Variants in GCLM observed in about 807,000 individuals in gnomAD.
GCLM encodes glutamate--cysteine ligase regulatory subunit.
Under a neutral mutation model 36.0 loss-of-function variants are expected in GCLM, and 15 were observed. The observed-to-expected ratio is 0.42, with a 90% CI of 0.28 to 0.64. The LOEUF (loss-of-function observed/expected upper bound fraction) is 0.64, where lower values mean the gene tolerates loss of function less well. Among genes scored for constraint, GCLM ranks in the 30% least tolerant of loss-of-function variants. GCLM has a pLI of 0.25. For synonymous variants in GCLM, 129 were observed against 122.8 expected, an observed-to-expected ratio of 1.05 and a Z score of -0.34; for missense variants, 242 against 325.5, an observed-to-expected ratio of 0.74 and a Z score of 1.97.
intron 5 of GCLM, among the ~76,000 whole-genome samples, chr1:93,895,346 A>T (rs897673848): frequency 2.0e-5 from 3 of 152,198 alleles, no homozygotes; most frequent in Non-Finnish European, 4.4e-5. Flanking sequence ...GTCTCCTGCT[A>T]GAACCATTTA....
At chr1:93,907,707 T>TA (rs1422763371) in intron 1 of GCLM, among the ~76,000 whole-genome samples, 1 of 152,184 alleles carries the variant, frequency 6.6e-6, no homozygotes, top group African/African-American at 2.4e-5. Flanking sequence ...ACAGCCAAAG[T>TA]AGGTGGTTTA....
intron 2 of GCLM, chr1:93,904,279 A>C: frequency 2.2e-6 from 1 of 455,818 alleles, no homozygotes; most frequent in Non-Finnish European, 4.0e-6. Context: ...ATAGTGAGGA[A>C]ACCATGGTGA....
At chr1:93,896,927 T>C in intron 4 of GCLM, 107 bp from the exon 5 acceptor site, 2 of 672,692 alleles carry the variant, frequency 3.0e-6, no homozygotes, top group South Asian at 3.6e-5. Flanking sequence ...TCTTCACTTG[T>C]TTTCAAAATA....
At chr1:93,903,306 A>C (rs191729897) in intron 2 of GCLM, among the ~76,000 whole-genome samples, 2 of 151,002 alleles carry the variant, frequency 1.3e-5, no homozygotes, top group Admixed American at 6.6e-5. Context: ...TTATTTATTT[A>C]ATTTTATTAT....
rs1656363323 is a variant in GCLM at position 93,887,507 on chromosome 1, G to C, written c.*1483C>G. ...TTTTTTTGAGATGGAGTCTCGCTCT[G>C]TCGCCCAGGCTGGAGTGCAGTGATG... On this transcript the variant is annotated 3_prime_UTR_variant, in exon 7 of 7. Transcript: ENST00000370238. 7.3e-6 allele frequency: 1 copy of C among 137,668 alleles called. No individual in the cohort carries two copies. The highest frequency in any genetic ancestry group is 1.5e-5 in the Non-Finnish European group (1 of 65,610). 8.5% of individuals were successfully genotyped at this position (137,668 alleles called of 1,614,324 possible).
At chr1:93,895,207 G>A (rs568080237) in intron 5 of GCLM, among the ~76,000 whole-genome samples, 21 of 151,980 alleles carry the variant, frequency 1.4e-4, no homozygotes, top group Admixed American at 4.6e-4. Flanking sequence ...GTAGAGACGC[G>A]GTTTCACCAT....
At chr1:93,898,575 A>G (rs567461691) in intron 3 of GCLM, among the ~76,000 whole-genome samples, 1 of 152,186 alleles carries the variant, frequency 6.6e-6, no homozygotes, top group East Asian at 1.9e-4. Context: ...CTTGGCCTCA[A>G]AGGACCCTCC....
intron 6 of GCLM, among the ~76,000 whole-genome samples, chr1:93,892,272 A>G (rs1656564190): frequency 6.6e-6 from 1 of 152,204 alleles, no homozygotes; most frequent in South Asian, 2.1e-4. Context: ...AATTTTTAGA[A>G]CAGGGGTAGA....
Position 93,909,365 on chromosome 1 carries a change from A to T in GCLM, c.-202T>A. 1.0e-6 allele frequency: 1 copy of T among 976,014 alleles called. No homozygotes were observed. Among genetic ancestry groups the T allele is most frequent in the Non-Finnish European group, 1.2e-6 (1 of 813,164 alleles). 60.5% of individuals were successfully genotyped at this position (976,014 alleles called of 1,614,324 possible). Reference sequence around the variant, plus strand: ...GCGGCTGGGCGGCGGCGGGAAAGGAAGGCACCGGTGGCTGCGGCTCCGGCT... The same window carrying T: ...GCGGCTGGGCGGCGGCGGGAAAGGATGGCACCGGTGGCTGCGGCTCCGGCT... On this transcript the variant is annotated 5_prime_UTR_variant, in exon 1 of 7. Coordinates refer to ENST00000370238, the MANE Select transcript of GCLM (RefSeq NM_002061.4).
chr1:93,902,617 C>T (rs973986332), intron 2 of GCLM, among the ~76,000 whole-genome samples: 1 of 152,064 alleles, frequency 6.6e-6, no homozygotes, highest in East Asian at 1.9e-4. Context: ...ATCAACATAC[C>T]CACCACAGTG....
rs190012289 is a variant in GCLM at position 93,885,724 on chromosome 1, A to G, written c.*3266T>C. The G allele has an allele frequency of 1.1e-3, 172 of 152,334 alleles. No homozygotes were observed. Among genetic ancestry groups the G allele is most frequent in the African/African-American group, 3.9e-3 (164 of 41,590 alleles). The allele number at this position is 152,334 out of a possible 1,614,324, so 9.4% of individuals were successfully genotyped here. A position where few individuals can be genotyped will look rare whatever the true frequency, so the allele number is the denominator to read the frequency against. ...ACATTTCTCTGAATGCATATTTTGC[A>G]GAAGGATGAACTGCTAGCCAACATA... On this transcript the variant is annotated 3_prime_UTR_variant, in exon 7 of 7. Coordinates refer to ENST00000370238, the MANE Select transcript of GCLM (RefSeq NM_002061.4).
In GCLM at chr1:93,887,417, C is replaced by G. The variant is rs540347132; in HGVS notation, c.*1573G>C. On this transcript the variant is annotated 3_prime_UTR_variant, in exon 7 of 7. Transcript: ENST00000370238. Reference sequence around the variant, plus strand: ...GTTCTTTTTCCCTAGGTTGAGAAAACTTGAGCAAAATTAGTTTTATTTAGG... The same window carrying G: ...GTTCTTTTTCCCTAGGTTGAGAAAAGTTGAGCAAAATTAGTTTTATTTAGG... 8 of 151,304 alleles carry G rather than the reference C, an allele frequency of 5.3e-5. No individual in the cohort carries two copies. In the South Asian group the frequency reaches 1.7e-3, roughly 32 times the overall value. The allele number at this position is 151,304 out of a possible 1,614,324, so 9.4% of individuals were successfully genotyped here. A position where few individuals can be genotyped will look rare whatever the true frequency, so the allele number is the denominator to read the frequency against.
In GCLM at chr1:93,888,491, A is replaced by G. The variant is rs1656405684; in HGVS notation, c.*499T>C. 1.3e-5 allele frequency: 2 copies of G among 152,354 alleles called. 1 individual carries two copies. Among genetic ancestry groups the G allele is most frequent in the South Asian group, 4.1e-4 (2 of 4,838 alleles). The allele number at this position is 152,354 out of a possible 1,614,324, so 9.4% of individuals were successfully genotyped here. On this transcript the variant is annotated 3_prime_UTR_variant, in exon 7 of 7. Coordinates refer to ENST00000370238, the MANE Select transcript of GCLM (RefSeq NM_002061.4). The stretch of plus-strand genomic sequence containing the variant: ...AGTGAATTTTATTTACACTACTAGT[A>G]AATCCCAGCTACTCCAGTTACTCTG...
At chr1:93,903,910 A>T (rs533884419) in intron 2 of GCLM, among the ~76,000 whole-genome samples, 4 of 152,010 alleles carry the variant, frequency 2.6e-5, no homozygotes, top group South Asian at 4.1e-4. Flanking sequence ...AGATTGATTT[A>T]AAAAAAACCA....
At chr1:93,908,678 G>A (rs2100932032) in intron 1 of GCLM, 1 of 172,720 alleles carries the variant, frequency 5.8e-6, no homozygotes, top group East Asian at 1.5e-4. Context: ...GACAGGGTGG[G>A]GGAAGGAAGC....
chr1:93,909,388 G>T lies in GCLM; in HGVS notation c.-225C>A, dbSNP rs992548316. 6.7e-5 allele frequency: 54 copies of T among 811,086 alleles called. 5 individuals are homozygous for T. The East Asian group carries it at 7.7e-4, about 12-fold the overall frequency. 50.2% of individuals were successfully genotyped at this position (811,086 alleles called of 1,614,324 possible). A position where few individuals can be genotyped will look rare whatever the true frequency, so the allele number is the denominator to read the frequency against. The stretch of plus-strand genomic sequence containing the variant: ...GAAGGCACCGGTGGCTGCGGCTCCG[G>T]CTCCGGCTACTGCGGCCGCAGCGGG... On this transcript the variant is annotated 5_prime_UTR_variant, in exon 1 of 7. Transcript: ENST00000370238.
chr1:93,893,549 G>A (rs1243905524), intron 6 of GCLM, among the ~76,000 whole-genome samples: 1 of 151,904 alleles, frequency 6.6e-6, no homozygotes, highest in Non-Finnish European at 1.5e-5. Context: ...ATATTTTTTC[G>A]GCGGGAATTA....
chr1:93,905,731 G>A (rs1302512917), intron 1 of GCLM, among the ~76,000 whole-genome samples: 2 of 152,124 alleles, frequency 1.3e-5, no homozygotes, highest in African/African-American at 4.8e-5. Flanking sequence ...AGTGAGCAAA[G>A]ACCTATATAC....
At chr1:93,893,411 A>C (rs1255589927) in intron 6 of GCLM, among the ~76,000 whole-genome samples, 2 of 152,242 alleles carry the variant, frequency 1.3e-5, no homozygotes, top group Non-Finnish European at 2.9e-5. Context: ...TGAAGAAATG[A>C]GAATGAAGTA....
Sources: allele counts gnomAD v4.1 joint callset (sites outside exome capture counted in the v4.1 genomes callset), GRCh38; gene constraint gnomAD v4.1.1; transcripts MANE v1.5; gene names NCBI Gene and HGNC (gene_info 2026-07-23, HGNC 2026-07-21).